Variants in VWC2L observed in about 807,000 individuals in gnomAD.
The protein encoded by VWC2L is von Willebrand factor C domain-containing protein 2-like.
In VWC2L, 10 loss-of-function variants were observed where a neutral mutation model predicts 21.6. The observed-to-expected ratio is 0.46, with a 90% CI of 0.29 to 0.78. VWC2L has a LOEUF of 0.78. Ranked by LOEUF, VWC2L falls within the 30% of genes least tolerant of loss-of-function variation. The pLI is 0.10. For missense variants in VWC2L, 209 were observed against 277.1 expected (o/e 0.75, Z 1.74); for synonymous variants, 96 against 94.3 (o/e 1.02, Z -0.10).
At chr2:214,479,836 A>C (rs945172078) in intron 3 of VWC2L, among the ~76,000 whole-genome samples, 1 of 152,186 alleles carries the variant, frequency 6.6e-6, no homozygotes. Context: ...AAGAACATTC[A>C]ATCTAATAAG....
intron 3 of VWC2L, among the ~76,000 whole-genome samples, chr2:214,536,363 T>G (rs1160770777): frequency 1.3e-5 from 2 of 152,070 alleles, no homozygotes; most frequent in Non-Finnish European, 2.9e-5. Context: ...TTCCCCATGA[T>G]CACAATGAAT....
rs115830104 is a variant in VWC2L, at chr2:214,558,217, G to A, written c.521-17455G>A. ...TTTTGAAATCTTTTTTGTCTTCTTAGGTGGCTCCATCTCATCTGTCTTCCC... is the reference window on the plus strand; with the variant it reads ...TTTTGAAATCTTTTTTGTCTTCTTAAGTGGCTCCATCTCATCTGTCTTCCC... On this transcript the variant is annotated intron_variant, in intron 3 of 3. Coordinates refer to ENST00000312504, the MANE Select transcript of VWC2L (RefSeq NM_001080500.4). Among the ~76,000 whole-genome samples, 1,070 of 152,062 alleles carry A rather than the reference G, an allele frequency of 7.0e-3. 13 individuals are homozygous for A. Among genetic ancestry groups the A allele is most frequent in the African/African-American group, 0.024 (997 of 41,504 alleles).
At chr2:214,443,066 C>A (rs1702785417) in intron 3 of VWC2L, among the ~76,000 whole-genome samples, 1 of 152,020 alleles carries the variant, frequency 6.6e-6, no homozygotes, top group Non-Finnish European at 1.5e-5. Context: ...AGGGTTTAAT[C>A]TCACCTGAGT....
chr2:214,564,266 G>A (rs994720247), intron 3 of VWC2L, among the ~76,000 whole-genome samples: 1 of 152,126 alleles, frequency 6.6e-6, no homozygotes, highest in Non-Finnish European at 1.5e-5. Flanking sequence ...TAGATTCAAT[G>A]CTATACCCAT....
In VWC2L at chr2:214,436,667, T is replaced by C; in HGVS notation, c.429T>C (p.Asn143=). Residue 143 remains asparagine (N), a synonymous_variant, in exon 3 of 4, where the codon AAT becomes AAC. Transcript: ENST00000312504. ...AATGGTGTCGCTGTGAGCCCAGCAA[T>C]GAAGTTCACTGTGTTGTAGCAGACT... ...PCEWCRCEPS[N]EVHCVVADCA... 1.9e-6 allele frequency: 3 copies of C among 1,613,434 alleles called. No individual in the cohort carries two copies. Among genetic ancestry groups the C allele is most frequent in the Non-Finnish European group, 1.7e-6 (2 of 1,179,448 alleles).
chr2:214,433,610 A>G (rs999212811), intron 2 of VWC2L, among the ~76,000 whole-genome samples: 2 of 152,212 alleles, frequency 1.3e-5, no homozygotes, highest in Admixed American at 6.6e-5. Context: ...CTTAAGATAT[A>G]AAGATTTATC....
intron 3 of VWC2L, among the ~76,000 whole-genome samples, chr2:214,462,186 T>A (rs11899330): frequency 0.062 from 9,448 of 152,196 alleles, 927 homozygotes; most frequent in African/African-American, 0.21. Context: ...TAGAATGATC[T>A]TCCTTTCTTG....
intron 2 of VWC2L, among the ~76,000 whole-genome samples, chr2:214,417,658 G>A (rs1016234775): frequency 6.6e-6 from 1 of 152,120 alleles, no homozygotes; most frequent in African/African-American, 2.4e-5. Flanking sequence ...TGCTATCCTA[G>A]TAAGAGGCAA....
intron 3 of VWC2L, among the ~76,000 whole-genome samples, chr2:214,550,918 T>C (rs1689783815): frequency 6.6e-6 from 1 of 152,164 alleles, no homozygotes; most frequent in Non-Finnish European, 1.5e-5. Context: ...ACAAAAGGCC[T>C]TTTGTAATCT....
intron 3 of VWC2L, among the ~76,000 whole-genome samples, chr2:214,469,529 A>G (rs904428969): frequency 2.6e-5 from 4 of 152,126 alleles, no homozygotes; most frequent in Non-Finnish European, 5.9e-5. Flanking sequence ...TGGGAGGCAG[A>G]GCTTGCAGTG....
intron 1 of VWC2L, 140 bp from the exon 2 acceptor site, chr2:214,413,974 A>G: frequency 2.0e-6 from 1 of 493,538 alleles, no homozygotes; most frequent in Admixed American, 4.0e-5. Context: ...ACAATAAGGC[A>G]CAGATAGTTG....
At chr2:214,426,867 C>A (rs114998093) in intron 2 of VWC2L, among the ~76,000 whole-genome samples, 36 of 152,270 alleles carry the variant, frequency 2.4e-4, no homozygotes, top group African/African-American at 8.4e-4. Context: ...CTCTTTTTCA[C>A]AGAAATGTGG....
chr2:214,563,844 C>T (rs1243303926), intron 3 of VWC2L, among the ~76,000 whole-genome samples: 1 of 152,086 alleles, frequency 6.6e-6, no homozygotes, highest in East Asian at 1.9e-4. Flanking sequence ...GGCCAGGGAA[C>T]TCTGACAAGA....
rs369677550 is a variant in VWC2L, at chr2:214,482,482, T to C, written c.520+45724T>C. On this transcript the variant is annotated intron_variant, in intron 3 of 3. Transcript: ENST00000312504. ...ACACATACACACATATATACGTGTA[T>C]GTATGTATGTATGTATATATATGTG... Among the ~76,000 whole-genome samples, 52 of 151,244 alleles carry C rather than the reference T, an allele frequency of 3.4e-4. 1 individual carries two copies. In the South Asian group the frequency reaches 0.011, roughly 31 times the overall value.
intron 3 of VWC2L, among the ~76,000 whole-genome samples, chr2:214,561,966 T>C (rs113344651): frequency 6.6e-6 from 1 of 151,906 alleles, no homozygotes; most frequent in African/African-American, 2.4e-5. Context: ...GCACACTAAG[T>C]CTTTGAAATC....
Position 214,548,519 on chromosome 2 carries a change from C to G in VWC2L, c.521-27153C>G, listed in dbSNP as rs950123878. 8.5e-5 allele frequency among the ~76,000 whole-genome samples: 13 copies of G among 152,276 alleles called. No homozygotes were observed. The East Asian group carries it at 2.1e-3, about 25-fold the overall frequency. On this transcript the variant is annotated intron_variant, in intron 3 of 3. Coordinates refer to ENST00000312504, the MANE Select transcript of VWC2L (RefSeq NM_001080500.4). Reference sequence around the variant, plus strand: ...ATTGAAAGCTAAGCAGGGAACTCAACCAAGTCCAGTGGATTGAGGTACCAT... The same window carrying G: ...ATTGAAAGCTAAGCAGGGAACTCAAGCAAGTCCAGTGGATTGAGGTACCAT...
chr2:214,489,652 TTA>T (rs983210023), intron 3 of VWC2L, among the ~76,000 whole-genome samples: 1 of 152,124 alleles, frequency 6.6e-6, no homozygotes, highest in African/African-American at 2.4e-5. Context: ...AAAGAGCAGA[TTA>T]TGAGTGTGTT....
intron 3 of VWC2L, among the ~76,000 whole-genome samples, chr2:214,499,399 C>T (rs1442173457): frequency 1.3e-5 from 2 of 151,602 alleles, no homozygotes; most frequent in Non-Finnish European, 2.9e-5. Flanking sequence ...TTAGATACCA[C>T]CAGTTACACT....
intron 3 of VWC2L, among the ~76,000 whole-genome samples, chr2:214,461,565 C>A (rs939901496): frequency 2.0e-5 from 3 of 152,102 alleles, no homozygotes; most frequent in African/African-American, 7.2e-5. Context: ...TCCAGAACAC[C>A]TGTTGCTAGG....
Sources: gnomAD v4.1 joint callset for allele counts (sites outside exome capture counted in the v4.1 genomes callset) on GRCh38, gnomAD v4.1.1 for gene constraint, MANE v1.5 for transcripts, NCBI Gene and HGNC (gene_info 2026-07-23, HGNC 2026-07-21) for gene names.